DRAM1: variants seen among roughly 807,000 people sequenced by gnomAD.
The protein encoded by DRAM1 is DNA damage-regulated autophagy modulator protein 1.
A neutral mutation model predicts 28.5 loss-of-function variants in DRAM1; 25 were observed. That is an observed-to-expected ratio of 0.88 (90% CI 0.64 to 1.23). The LOEUF (loss-of-function observed/expected upper bound fraction) is 1.23, where lower values mean the gene tolerates loss of function less well. DRAM1 is among the 50% of genes most tolerant of loss of function. The pLI is 0.00. For missense variants in DRAM1, 249 were observed against 299.2 expected (o/e 0.83, Z 1.24); for synonymous variants, 113 against 114.2 (o/e 0.99, Z 0.07).
intron 1 of DRAM1, among the ~76,000 whole-genome samples, chr12:101,891,717 GTCC>G (rs1384487326): frequency 6.6e-6 from 1 of 152,210 alleles, no homozygotes; most frequent in Non-Finnish European, 1.5e-5. Flanking sequence ...TGCTGGCCTT[GTCC>G]TCTTTACAGT....
At chr12:101,895,344 A>G (rs2121073837) in intron 1 of DRAM1, among the ~76,000 whole-genome samples, 1 of 150,158 alleles carries the variant, frequency 6.7e-6, no homozygotes, top group South Asian at 2.1e-4. Flanking sequence ...TGCCCAGTTA[A>G]TTTTTGTATT....
chr12:101,878,180 C>T (rs1287777254), intron 1 of DRAM1, among the ~76,000 whole-genome samples: 1 of 152,136 alleles, frequency 6.6e-6, no homozygotes, highest in Non-Finnish European at 1.5e-5. Context: ...GTAGAGCTTT[C>T]ATTCTGGGTA....
chr12:101,895,566 A>ATTTTTTTTTT (rs553634247), intron 1 of DRAM1, among the ~76,000 whole-genome samples: 1 of 103,422 alleles, frequency 9.7e-6, no homozygotes, highest in Non-Finnish European at 1.8e-5. Context: ...AAGGGAGGCT[A>ATTTTTTTTTT]TTTTTTTTTT....
Position 101,923,599 on chromosome 12 carries a change from A to C in DRAM1, c.*2339A>C, listed in dbSNP as rs1363599123. 1 of 152,240 alleles carries C rather than the reference A, an allele frequency of 6.6e-6. No individual in the cohort carries two copies. Among genetic ancestry groups the C allele is most frequent in the African/African-American group, 2.4e-5 (1 of 41,468 alleles). The allele number at this position is 152,240 out of a possible 1,614,324, so 9.4% of individuals were successfully genotyped here. A position where few individuals can be genotyped will look rare whatever the true frequency, so the allele number is the denominator to read the frequency against. On this transcript the variant is annotated 3_prime_UTR_variant, in exon 7 of 7. Coordinates refer to ENST00000258534, the MANE Select transcript of DRAM1 (RefSeq NM_018370.3). ...GCTTTACCAGTTAGTTTCATAATAA[A>C]CAAATAGTCTGTATCGCCTGGTAAT...
At chr12:101,893,491 C>T (rs555407183) in intron 1 of DRAM1, among the ~76,000 whole-genome samples, 8 of 152,314 alleles carry the variant, frequency 5.3e-5, no homozygotes, top group Admixed American at 5.2e-4. Flanking sequence ...CCCAATCATT[C>T]TCCTAATGGC....
Position 101,902,761 on chromosome 12 carries a change from A to G in DRAM1, c.342+1328A>G, listed in dbSNP as rs74880775. Among the ~76,000 whole-genome samples the G allele has an allele frequency of 3.3e-5, 5 of 152,340 alleles. No individual in the cohort carries two copies. In the East Asian group the frequency reaches 9.6e-4, roughly 29 times the overall value. ...ATAGAATCTTAACTTCCCAAGGAGC[A>G]AAGTGTTTGACTTGTCATTGTTCCG... is the stretch of plus-strand genomic sequence containing the variant. On this transcript the variant is annotated intron_variant, in intron 3 of 6. Transcript: ENST00000258534.
intron 1 of DRAM1, among the ~76,000 whole-genome samples, chr12:101,895,867 G>A (rs745897361): frequency 6.6e-6 from 1 of 151,954 alleles, no homozygotes; most frequent in Non-Finnish European, 1.5e-5. Context: ...ACCGCGCCTG[G>A]TCGTAAGGGA....
chr12:101,906,854 C>CAAAAA (rs751751554), intron 3 of DRAM1, among the ~76,000 whole-genome samples: 7,334 of 66,464 alleles, frequency 0.11, 347 homozygotes, highest in Middle Eastern at 0.16. Context: ...GACTCTGCCT[C>CAAAAA]AAAAAAAAAA....
At chr12:101,902,981 C>T (rs1471789920) in intron 3 of DRAM1, among the ~76,000 whole-genome samples, 5 of 151,272 alleles carry the variant, frequency 3.3e-5, no homozygotes, top group South Asian at 2.1e-4. Context: ...AGTGTAGTGG[C>T]GCGATCTCGG....
In DRAM1 at chr12:101,910,548, G is replaced by A. The variant is rs201295513; in HGVS notation, c.520+2185G>A. On this transcript the variant is annotated intron_variant, in intron 4 of 6. Coordinates refer to ENST00000258534, the MANE Select transcript of DRAM1 (RefSeq NM_018370.3). ...GCTGGAGTGCAATGGTGCGATCTCC[G>A]CTCACTGCAACCTCCGCCTCCCGGG... 3.1e-4 allele frequency among the ~76,000 whole-genome samples: 47 copies of A among 149,592 alleles called. No individual in the cohort carries two copies. In the East Asian group the frequency reaches 8.2e-3, roughly 26 times the overall value.
intron 2 of DRAM1, among the ~76,000 whole-genome samples, chr12:101,900,286 A>G (rs1446784003): frequency 6.6e-6 from 1 of 152,262 alleles, no homozygotes; most frequent in African/African-American, 2.4e-5. Flanking sequence ...AAATTACAGG[A>G]GAATATTTTT....
intron 1 of DRAM1, among the ~76,000 whole-genome samples, chr12:101,891,780 G>A (rs751610821): frequency 1.3e-5 from 2 of 152,242 alleles, no homozygotes; most frequent in Non-Finnish European, 2.9e-5. Context: ...GGTGGGTGGA[G>A]CTGGGCAGGG....
At chr12:101,894,687 A>G (rs7974987) in intron 1 of DRAM1, among the ~76,000 whole-genome samples, 10,429 of 152,244 alleles carry the variant, frequency 0.069, 848 homozygotes, top group African/African-American at 0.2. Flanking sequence ...TTTGCCATCA[A>G]TAGACAGAGT....
chr12:101,887,735 C>T (rs902221584), intron 1 of DRAM1, among the ~76,000 whole-genome samples: 2 of 151,964 alleles, frequency 1.3e-5, no homozygotes, highest in Non-Finnish European at 2.9e-5. Flanking sequence ...ACGGGGGTTT[C>T]ACCATGTTGG....
chr12:101,913,705 CAAAA>C (rs60536139), intron 4 of DRAM1, among the ~76,000 whole-genome samples: 21 of 50,186 alleles, frequency 4.2e-4, no homozygotes, highest in African/African-American at 8.6e-4. Context: ...GAGTACGTCT[CAAAA>C]AAAAAAAAAA....
At chr12:101,891,660 T>C (rs6539015) in intron 1 of DRAM1, among the ~76,000 whole-genome samples, 97,030 of 152,148 alleles carry the variant, frequency 0.64, 32,561 homozygotes, top group East Asian at 0.91. Flanking sequence ...TAACTGTGTA[T>C]ACATAACAGC....
chr12:101,916,232 G>T (rs1566132458), intron 5 of DRAM1, among the ~76,000 whole-genome samples: 1 of 152,240 alleles, frequency 6.6e-6, no homozygotes, highest in Non-Finnish European at 1.5e-5. Context: ...ATGGGCCTAG[G>T]CCAGGTGCTG....
chr12:101,914,711 G>C (rs1213294419), intron 5 of DRAM1, among the ~76,000 whole-genome samples: 1 of 152,130 alleles, frequency 6.6e-6, no homozygotes, highest in African/African-American at 2.4e-5. Context: ...AGGCTGGAGT[G>C]AAGTGGCGTG....
intron 1 of DRAM1, among the ~76,000 whole-genome samples, chr12:101,879,915 CG>C (rs990421176): frequency 2.8e-4 from 42 of 151,560 alleles, no homozygotes; most frequent in African/African-American, 9.0e-4. Context: ...TGCTTGAACC[CG>C]GGAGGCAGAG....
Sources: gnomAD v4.1 joint callset for allele counts (sites outside exome capture counted in the v4.1 genomes callset) on GRCh38, gnomAD v4.1.1 for gene constraint, MANE v1.5 for transcripts, NCBI Gene and HGNC (gene_info 2026-07-23, HGNC 2026-07-21) for gene names.